The following SHLD1 variants were observed in gnomAD, a reference collection of about 807,000 sequenced individuals.
SHLD1 encodes the protein RINN1-REV7-interacting novel NHEJ regulator 3.
Under a neutral mutation model 5.5 loss-of-function variants are expected in SHLD1, and 3 were observed. The ratio of observed to expected loss-of-function variants is 0.54; its 90% CI spans 0.25 to 1.40. SHLD1 has a LOEUF of 1.40. SHLD1 is among the 40% of genes most tolerant of loss of function. SHLD1 has a pLI of 0.15. For missense variants in SHLD1, 210 were observed against 244.4 expected (o/e 0.86, Z 0.94); for synonymous variants, 92 against 94.3 (o/e 0.98, Z 0.14).
chr20:5,783,816 C>T (rs1262073456), intron 2 of SHLD1, among the ~76,000 whole-genome samples: 1 of 151,906 alleles, frequency 6.6e-6, no homozygotes, highest in Non-Finnish European at 1.5e-5. Context: ...TCCAGGCAGG[C>T]ATTCATCCAA....
intron 2 of SHLD1, among the ~76,000 whole-genome samples, chr20:5,821,708 C>T (rs2087608270): frequency 6.6e-6 from 1 of 152,090 alleles, no homozygotes; most frequent in Non-Finnish European, 1.5e-5. Context: ...CATGAGGTGG[C>T]CGCCAAGTGA....
chr20:5,814,654 CTTT>C (rs148119460), intron 2 of SHLD1, among the ~76,000 whole-genome samples: 2,467 of 103,502 alleles, frequency 0.024, 10 homozygotes, highest in African/African-American at 0.059. Context: ...TTTTCTTCTT[CTTT>C]TTTTTTTTTT....
rs187173524 is a variant in SHLD1, at chr20:5,755,457, C to T, written c.-5+4978C>T. ...TAGAACAGTTTCATCCCAAAACCGT[C>T]CCCCCACCCCCAGTCCATGGAAAAA... On this transcript the variant is annotated intron_variant, in intron 1 of 2. Coordinates refer to ENST00000303142, the MANE Select transcript of SHLD1 (RefSeq NM_152504.4). Among the ~76,000 whole-genome samples the T allele has an allele frequency of 2.4e-4, 37 of 152,276 alleles. 1 individual carries two copies. In the East Asian group the frequency reaches 7.1e-3, roughly 29 times the overall value.
intron 2 of SHLD1, among the ~76,000 whole-genome samples, chr20:5,816,088 C>CGAAAAAAAAAAAAAAAAAA (rs2087526803): frequency 5.0e-5 from 1 of 20,072 alleles, no homozygotes. Context: ...CTCAAAAAAA[C>CGAAAAAAAAAAAAAAAAAA]GAAAAAAAAA....
chr20:5,758,074 T>C (rs146595359), intron 1 of SHLD1, among the ~76,000 whole-genome samples: 4 of 151,744 alleles, frequency 2.6e-5, no homozygotes, highest in Non-Finnish European at 4.4e-5. Flanking sequence ...ATAGAGTGAA[T>C]TGAGAAGCGT....
intron 2 of SHLD1, among the ~76,000 whole-genome samples, chr20:5,821,388 CTATAA>C (rs1352752432): frequency 1.3e-5 from 2 of 152,110 alleles, no homozygotes; most frequent in Non-Finnish European, 2.9e-5. Flanking sequence ...TGGTGTGCAC[CTATAA>C]TCCCAGCTGC....
intron 2 of SHLD1, among the ~76,000 whole-genome samples, chr20:5,807,393 C>CT (rs1568512714): frequency 7.2e-6 from 1 of 138,664 alleles, no homozygotes; most frequent in Non-Finnish European, 1.6e-5. Context: ...CTCTTTTTTC[C>CT]TTTTTTTTGA....
intron 2 of SHLD1, among the ~76,000 whole-genome samples, chr20:5,782,678 T>G (rs2087002989): frequency 6.6e-6 from 1 of 152,240 alleles, no homozygotes; most frequent in Non-Finnish European, 1.5e-5. Context: ...TGGGAATCTG[T>G]CAACATCCCA....
At chr20:5,814,654 C>CA (rs2087503935) in intron 2 of SHLD1, among the ~76,000 whole-genome samples, 1 of 103,810 alleles carries the variant, frequency 9.6e-6, no homozygotes, top group Non-Finnish European at 1.9e-5. Context: ...TTTTCTTCTT[C>CA]TTTTTTTTTT....
At chr20:5,766,928 CAT>C (rs748452734) in intron 1 of SHLD1, among the ~76,000 whole-genome samples, 134 of 152,166 alleles carry the variant, frequency 8.8e-4, no homozygotes, top group Non-Finnish European at 1.6e-3. Context: ...TTCATGCAAA[CAT>C]ATGTTTTTGA....
chr20:5,761,395 A>T (rs1039845), intron 1 of SHLD1, among the ~76,000 whole-genome samples: 3 of 151,152 alleles, frequency 2.0e-5, no homozygotes, highest in Non-Finnish European at 2.9e-5. Context: ...CACCTTCTGC[A>T]CATGTATCCC....
rs373315394 is a variant in SHLD1, at chr20:5,847,419, G to A, written c.179-15605G>A. 7.9e-5 allele frequency among the ~76,000 whole-genome samples: 12 copies of A among 152,300 alleles called. No individual in the cohort carries two copies. In the East Asian group the frequency reaches 1.3e-3, roughly 17 times the overall value. ...CAAAAACAAACCCTGTGGCTTCTCC[G>A]GAGGTCCTTGTTTCACCCTCACCTT... On this transcript the variant is annotated intron_variant, in intron 2 of 2. Transcript: ENST00000303142.
At chr20:5,857,921 A>T (rs566833334) in intron 2 of SHLD1, among the ~76,000 whole-genome samples, 9 of 152,250 alleles carry the variant, frequency 5.9e-5, no homozygotes, top group Non-Finnish European at 1.3e-4. Context: ...AACACGGTGA[A>T]ACCCCGTCTC....
chr20:5,800,553 G>A (rs555111093), intron 2 of SHLD1, among the ~76,000 whole-genome samples: 3 of 152,272 alleles, frequency 2.0e-5, no homozygotes, highest in East Asian at 1.9e-4. Context: ...AGCTGGGCAC[G>A]GTGGCAGACA....
At chr20:5,859,862 C>A (rs1449025165) in intron 2 of SHLD1, among the ~76,000 whole-genome samples, 2 of 152,174 alleles carry the variant, frequency 1.3e-5, no homozygotes, top group Non-Finnish European at 2.9e-5. Context: ...AGACAGCTAG[C>A]TTTTAGCCTC....
chr20:5,772,386 G>T (rs556711389), intron 1 of SHLD1, among the ~76,000 whole-genome samples: 88 of 152,290 alleles, frequency 5.8e-4, no homozygotes, highest in African/African-American at 2.1e-3. Flanking sequence ...GTTCAGATAC[G>T]CTGGACAGGG....
chr20:5,782,417 G>C lies in SHLD1; in HGVS notation c.178+9374G>C, dbSNP rs2087000126. ...AACCTTTGTCCTGGAGAGCATCCAA[G>C]GTACTTTCTAATATAGGACAAGGAG... On this transcript the variant is annotated intron_variant, in intron 2 of 2. Coordinates refer to ENST00000303142, the MANE Select transcript of SHLD1 (RefSeq NM_152504.4). Among the ~76,000 whole-genome samples, 4 of 152,204 alleles carry C rather than the reference G, an allele frequency of 2.6e-5. No homozygotes were observed. The South Asian group carries it at 6.2e-4, about 24-fold the overall frequency.
intron 2 of SHLD1, among the ~76,000 whole-genome samples, chr20:5,783,832 G>A (rs1322274728): frequency 6.7e-6 from 1 of 149,636 alleles, no homozygotes; most frequent in East Asian, 1.9e-4. Context: ...TCCAAAGAAA[G>A]GGTGCCAGAA....
intron 2 of SHLD1, among the ~76,000 whole-genome samples, chr20:5,803,896 AAAAAC>A (rs1184051334): frequency 2.8e-5 from 4 of 142,186 alleles, no homozygotes; most frequent in East Asian, 1.9e-4. Flanking sequence ...ATTAAAAAAA[AAAAAC>A]AAAACAAGAA....
Sources: gnomAD v4.1 joint callset for allele counts (sites outside exome capture counted in the v4.1 genomes callset) on GRCh38, gnomAD v4.1.1 for gene constraint, MANE v1.5 for transcripts, NCBI Gene and HGNC (gene_info 2026-07-23, HGNC 2026-07-21) for gene names.